COL11A1: variants seen among roughly 807,000 people sequenced by gnomAD.
COL11A1 encodes collagen alpha-1(XI) chain.
Under a neutral mutation model 265.2 loss-of-function variants are expected in COL11A1, and 74 were observed. The observed-to-expected ratio is 0.28, with a 90% CI of 0.23 to 0.34. COL11A1 has a LOEUF of 0.34. COL11A1 is among the 10% of genes least tolerant of loss of function. The pLI is 1.00. For missense variants in COL11A1, 2,165 were observed against 2,263.6 expected (o/e 0.96, Z 0.88); for synonymous variants, 816 against 727.6 (o/e 1.12, Z -1.96).
At chr1:103,038,926 T>C (rs1668594263) in intron 4 of COL11A1, among the ~76,000 whole-genome samples, 1 of 152,146 alleles carries the variant, frequency 6.6e-6, no homozygotes, top group African/African-American at 2.4e-5. Flanking sequence ...ACGAGAATGA[T>C]AAGGAAATAT....
intron 9 of COL11A1, among the ~76,000 whole-genome samples, chr1:103,020,064 T>A (rs887455928): frequency 6.6e-6 from 1 of 151,302 alleles, no homozygotes; most frequent in African/African-American, 2.4e-5. Flanking sequence ...TGCATGTATC[T>A]TTATAGCAGC....
chr1:102,919,356 T>A (rs974200902), intron 49 of COL11A1, among the ~76,000 whole-genome samples: 6 of 151,622 alleles, frequency 4.0e-5, no homozygotes, highest in Non-Finnish European at 1.5e-5. Flanking sequence ...AATCTAATCT[T>A]ATTACATTTT....
chr1:102,980,244 A>G (rs1662912763), intron 31 of COL11A1, among the ~76,000 whole-genome samples: 1 of 152,104 alleles, frequency 6.6e-6, no homozygotes, highest in African/African-American at 2.4e-5. Flanking sequence ...ATAATTAATA[A>G]TTATTTTAAA....
chr1:103,080,653 CA>C (rs952314201), intron 2 of COL11A1, among the ~76,000 whole-genome samples: 2 of 151,666 alleles, frequency 1.3e-5, no homozygotes, highest in African/African-American at 4.8e-5. Context: ...TGGCAACTAT[CA>C]AAAAGTCAAA....
At chr1:103,002,548 A>G in intron 22 of COL11A1, 67 bp from the exon 23 acceptor site, 1 of 1,372,702 alleles carries the variant, frequency 7.3e-7, no homozygotes, top group South Asian at 1.2e-5. Flanking sequence ...GTTCTTCTCA[A>G]TTGGAAAATA....
chr1:103,049,442 G>T (rs774803542), intron 4 of COL11A1, among the ~76,000 whole-genome samples: 1 of 151,782 alleles, frequency 6.6e-6, no homozygotes, highest in Non-Finnish European at 1.5e-5. Flanking sequence ...TTCTGTTTTC[G>T]ATTTGCTTGG....
At chr1:102,991,845 T>A (rs1362473622) in intron 28 of COL11A1, among the ~76,000 whole-genome samples, 2 of 151,974 alleles carry the variant, frequency 1.3e-5, no homozygotes, top group African/African-American at 4.8e-5. Flanking sequence ...TTTTTTTTTT[T>A]TTTTTCAAGA....
At chr1:102,938,730 T>C (rs1353009285) in intron 44 of COL11A1, among the ~76,000 whole-genome samples, 1 of 152,134 alleles carries the variant, frequency 6.6e-6, no homozygotes, top group East Asian at 1.9e-4. Context: ...TTAATTTTGG[T>C]AAATATATGT....
intron 35 of COL11A1, among the ~76,000 whole-genome samples, chr1:102,976,292 T>TGGC (rs1662474334): frequency 2.0e-5 from 1 of 50,976 alleles, no homozygotes. Flanking sequence ...ACGTTGGCTT[T>TGGC]TTTTTTTTTT....
intron 4 of COL11A1, among the ~76,000 whole-genome samples, chr1:103,043,342 G>T (rs1668986560): frequency 6.6e-6 from 1 of 151,502 alleles, no homozygotes; most frequent in Non-Finnish European, 1.5e-5. Flanking sequence ...TGTCAGGAAG[G>T]TATAGCATCT....
In COL11A1 at chr1:102,888,889, G is replaced by A. The variant is rs199952288; in HGVS notation, c.4495C>T (p.Pro1499Ser). ...ACTGGTAAACCTGGAGGACCAGGTG[G>A]ACCTAAGGGACCAGCAGGACCAGGA... ...GIPGPAGPLG[P>S]PGPPGLPGPQ... The change falls in exon 60 of 67, where the codon CCA becomes TCA. Residue 1499 changes from proline (P) to serine (S), a missense_variant. By Grantham distance (74) the Pro-to-Ser change is moderately conservative (BLOSUM62 -1). Coordinates refer to ENST00000370096, the MANE Select transcript of COL11A1 (RefSeq NM_001854.4). 5.1e-5 allele frequency: 82 copies of A among 1,612,614 alleles called. 1 individual carries two copies. The East Asian group carries it at 1.7e-3, about 34-fold the overall frequency.
chr1:102,976,381 C>T (rs2616014), intron 35 of COL11A1, among the ~76,000 whole-genome samples: 9,134 of 140,200 alleles, frequency 0.065, 586 homozygotes, highest in African/African-American at 0.16. Flanking sequence ...TCACTGCAAC[C>T]TCCGCCTCCT....
At chr1:102,891,094 A>G (rs1439915770) in intron 57 of COL11A1, among the ~76,000 whole-genome samples, 2 of 152,030 alleles carry the variant, frequency 1.3e-5, no homozygotes, top group Non-Finnish European at 2.9e-5. Flanking sequence ...GAACTCTGTA[A>G]TTCTTCTAGG....
At chr1:103,104,297 G>T (rs1231172405) in intron 1 of COL11A1, among the ~76,000 whole-genome samples, 1 of 152,000 alleles carries the variant, frequency 6.6e-6, no homozygotes, top group East Asian at 1.9e-4. Flanking sequence ...GAAAAGAAAG[G>T]TGACTCTTTA....
intron 3 of COL11A1, among the ~76,000 whole-genome samples, 159 bp from the exon 4 acceptor site, chr1:103,074,939 A>G (rs1264633226): frequency 6.6e-6 from 1 of 152,138 alleles, no homozygotes; most frequent in Non-Finnish European, 1.5e-5. Flanking sequence ...ACAGATGACT[A>G]CTTACTCGTT....
intron 28 of COL11A1, 145 bp from the exon 29 acceptor site, chr1:102,989,716 C>G: frequency 2.1e-6 from 1 of 487,144 alleles, no homozygotes; most frequent in Non-Finnish European, 3.7e-6. Flanking sequence ...TTCCTCCTCC[C>G]TTTTCCAACT....
intron 46 of COL11A1, among the ~76,000 whole-genome samples, chr1:102,930,665 T>G (rs1462662042): frequency 6.6e-6 from 1 of 152,218 alleles, no homozygotes; most frequent in Non-Finnish European, 1.5e-5. Flanking sequence ...TCAGAAGGAA[T>G]GGTACCAGTT....
At chr1:102,991,719 G>A (rs1261817870) in intron 28 of COL11A1, among the ~76,000 whole-genome samples, 1 of 152,044 alleles carries the variant, frequency 6.6e-6, no homozygotes, top group African/African-American at 2.4e-5. Flanking sequence ...GTTTAGCAAG[G>A]TATATTAAAG....
At chr1:103,030,412 G>A (rs1221996656) in intron 5 of COL11A1, among the ~76,000 whole-genome samples, 1 of 152,054 alleles carries the variant, frequency 6.6e-6, no homozygotes, top group East Asian at 1.9e-4. Context: ...TTGACCCATT[G>A]TAAACAGTAA....
Sources: gnomAD v4.1 joint callset for allele counts (sites outside exome capture counted in the v4.1 genomes callset) on GRCh38, gnomAD v4.1.1 for gene constraint, MANE v1.5 for transcripts, NCBI Gene and HGNC (gene_info 2026-07-23, HGNC 2026-07-21) for gene names.